EFCAB6: variants seen among roughly 807,000 people sequenced by gnomAD.
EFCAB6 encodes EF-hand calcium-binding domain-containing protein 6.
EFCAB6 carries 156 observed loss-of-function variants against 169.8 expected under a neutral mutation model. The ratio of observed to expected loss-of-function variants is 0.92; its 90% CI spans 0.81 to 1.05. The LOEUF (loss-of-function observed/expected upper bound fraction) is 1.05, where lower values mean the gene tolerates loss of function less well. Ranked by LOEUF, EFCAB6 falls within the 50% of genes least tolerant of loss-of-function variation. The pLI is 0.00. For missense variants in EFCAB6, 1,800 were observed against 1,829.1 expected, an observed-to-expected ratio of 0.98 and a Z score of 0.29; for synonymous variants, 698 against 676.4, an observed-to-expected ratio of 1.03 and a Z score of -0.50.
At chr22:43,734,867 T>A (rs1452264095) in intron 7 of EFCAB6, among the ~76,000 whole-genome samples, 1 of 152,214 alleles carries the variant, frequency 6.6e-6, no homozygotes, top group East Asian at 1.9e-4. Flanking sequence ...GGCAAATTCT[T>A]CCACTCTGCT....
chr22:43,750,193 T>A (rs1458894519), intron 6 of EFCAB6, among the ~76,000 whole-genome samples: 1 of 152,134 alleles, frequency 6.6e-6, no homozygotes, highest in Non-Finnish European at 1.5e-5. Context: ...AGTTCCTTCA[T>A]GAAAGCTTTA....
chr22:43,770,410 A>G (rs546937819), intron 4 of EFCAB6, among the ~76,000 whole-genome samples: 2 of 152,352 alleles, frequency 1.3e-5, no homozygotes, highest in African/African-American at 4.8e-5. Flanking sequence ...CCATCAATGC[A>G]GGTCAACCTT....
Position 43,682,147 on chromosome 22 carries a change from G to T in EFCAB6, c.1251+1600C>A, listed in dbSNP as rs549525991. On this transcript the variant is annotated intron_variant, in intron 12 of 31. Transcript: ENST00000262726. ...TCCCCTCCGTAGTGGGGTGCATGGT[G>T]GGGGGATGGGAGGGGAGGGGAATCT... Among the ~76,000 whole-genome samples, 5 of 152,234 alleles carry T rather than the reference G, an allele frequency of 3.3e-5. No homozygotes were observed. In the East Asian group the frequency reaches 9.7e-4, roughly 29 times the overall value.
chr22:43,585,097 G>T (rs746217968), intron 24 of EFCAB6, among the ~76,000 whole-genome samples: 16 of 152,150 alleles, frequency 1.1e-4, no homozygotes, highest in Non-Finnish European at 1.8e-4. Context: ...AAAAGACACA[G>T]TATGAAGAAA....
chr22:43,789,847 TCA>T lies in EFCAB6; in HGVS notation c.-7-7524_-7-7523del, dbSNP rs34752280. Reference sequence around the variant, plus strand: ...CTGAGGCTCCTAAGTTGGCTAACCTTCACACACACACACACACACACACACAC... The same window carrying T: ...CTGAGGCTCCTAAGTTGGCTAACCTTCACACACACACACACACACACACAC... On this transcript the variant is annotated intron_variant, in intron 2 of 31. Transcript: ENST00000262726. Among the ~76,000 whole-genome samples the T allele has an allele frequency of 5.3e-3, 759 of 143,300 alleles. 5 individuals carry two copies. The highest frequency in any genetic ancestry group is 0.022 in the East Asian group (108 of 4,858). The allele number at this position is 143,300 out of a possible 152,430, so 94.0% of individuals were successfully genotyped here.
intron 6 of EFCAB6, among the ~76,000 whole-genome samples, chr22:43,737,352 A>G (rs1010451166): frequency 6.7e-6 from 1 of 150,354 alleles, no homozygotes; most frequent in African/African-American, 2.5e-5. Flanking sequence ...ACACCTGTGC[A>G]TGTACTCATA....
rs2059154950 is a variant in EFCAB6, at chr22:43,711,418, T to C, written c.1031+57A>G. The C allele has an allele frequency of 8.8e-6, 13 of 1,484,588 alleles. No individual in the cohort carries two copies. In the South Asian group the frequency reaches 1.7e-4, roughly 19 times the overall value. 92.0% of individuals were successfully genotyped at this position (1,484,588 alleles called of 1,614,324 possible). On this transcript the variant is annotated intron_variant, in intron 10 of 31. Coordinates refer to ENST00000262726, the MANE Select transcript of EFCAB6 (RefSeq NM_022785.4). Reference sequence around the variant, plus strand: ...ATAAAAAATAAACGAAGCTGTGCCTTATTCTTACGGTTGACGTTTGGGGAA... The same window carrying C: ...ATAAAAAATAAACGAAGCTGTGCCTCATTCTTACGGTTGACGTTTGGGGAA...
chr22:43,574,554 C>T (rs1042013114), intron 26 of EFCAB6, among the ~76,000 whole-genome samples: 1 of 151,960 alleles, frequency 6.6e-6, no homozygotes, highest in Non-Finnish European at 1.5e-5. Flanking sequence ...TCCCCATCAT[C>T]GTGGGGTCTA....
intron 2 of EFCAB6, among the ~76,000 whole-genome samples, chr22:43,784,602 C>T (rs1424408724): frequency 1.1e-5 from 1 of 87,456 alleles, no homozygotes; most frequent in African/African-American, 4.4e-5. Context: ...TATATATACA[C>T]ATATATATGT....
intron 17 of EFCAB6, among the ~76,000 whole-genome samples, chr22:43,639,998 T>A (rs1278041588): frequency 6.6e-6 from 1 of 152,186 alleles, no homozygotes; most frequent in Non-Finnish European, 1.5e-5. Flanking sequence ...GTTCTTCTTA[T>A]AATTTCTATT....
At chr22:43,630,227 C>T (rs2054835872) in intron 19 of EFCAB6, among the ~76,000 whole-genome samples, 1 of 152,204 alleles carries the variant, frequency 6.6e-6, no homozygotes, top group Admixed American at 6.5e-5. Flanking sequence ...AGGACACAAG[C>T]CAAGTCCTCA....
At chr22:43,791,371 C>CAAA (rs34928477) in intron 2 of EFCAB6, among the ~76,000 whole-genome samples, 1 of 115,012 alleles carries the variant, frequency 8.7e-6, no homozygotes. Flanking sequence ...GAGACTGCCT[C>CAAA]AAAAAAAAAA....
At position 43,686,292 on chromosome 22, in the gene EFCAB6, AT is replaced by A. The variant is rs1002218530; in HGVS notation, c.1142+1178del. 2.5e-4 allele frequency among the ~76,000 whole-genome samples: 37 copies of A among 149,594 alleles called. No homozygotes were observed. In the East Asian group the frequency reaches 2.7e-3, roughly 11 times the overall value. ...ACCGTGCCAGCCTAAATAATTTTTA[AT>A]TTTTTTTTTCAGAATTATATTTTCA... is the stretch of plus-strand genomic sequence containing the variant. On this transcript the variant is annotated intron_variant, in intron 11 of 31. Coordinates refer to ENST00000262726, the MANE Select transcript of EFCAB6 (RefSeq NM_022785.4).
chr22:43,627,912 C>T lies in EFCAB6; in HGVS notation c.2233-1233G>A, dbSNP rs565145180. Among the ~76,000 whole-genome samples the T allele has an allele frequency of 3.9e-5, 6 of 152,340 alleles. No individual in the cohort carries two copies. In the South Asian group the frequency reaches 8.3e-4, roughly 21 times the overall value. ...TTATTCAGTACCTAATATGTGCAAT[C>T]GCCATGCTAAATACTGTGGAAATGA... On this transcript the variant is annotated intron_variant, in intron 19 of 31. Coordinates refer to ENST00000262726, the MANE Select transcript of EFCAB6 (RefSeq NM_022785.4).
chr22:43,730,273 A>AGGGAGGGAAGGAGGGGAGGGAG (rs2059899902), intron 8 of EFCAB6, among the ~76,000 whole-genome samples: 1 of 70,012 alleles, frequency 1.4e-5, no homozygotes, highest in Non-Finnish European at 3.0e-5. Flanking sequence ...GGAGCGAGGG[A>AGGGAGGGAAGGAGGGGAGGGAG]GGGAGGGATG....
intron 20 of EFCAB6, among the ~76,000 whole-genome samples, chr22:43,623,604 G>A (rs2054257205): frequency 6.6e-6 from 1 of 151,910 alleles, no homozygotes; most frequent in Admixed American, 6.6e-5. Context: ...TTTAGAAAGG[G>A]GTGGTATCCG....
Position 43,678,714 on chromosome 22 carries a change from G to A in EFCAB6, c.1252-551C>T, listed in dbSNP as rs558197830. ...GAAAACATATTATGAGCAAAATACC[G>A]TGAGAAAAAATTTCTTCCCCCAGAA... On this transcript the variant is annotated intron_variant, in intron 12 of 31. Transcript: ENST00000262726. Among the ~76,000 whole-genome samples the A allele has an allele frequency of 1.1e-4, 17 of 152,172 alleles. No individual in the cohort carries two copies. In the South Asian group the frequency reaches 2.3e-3, roughly 20 times the overall value.
intron 5 of EFCAB6, among the ~76,000 whole-genome samples, chr22:43,763,283 C>T (rs1271334807): frequency 1.3e-5 from 2 of 152,158 alleles, no homozygotes; most frequent in Non-Finnish European, 2.9e-5. Context: ...AGGTGATCTG[C>T]CCACTTCGGC....
chr22:43,604,500 A>G (rs1296764790), intron 22 of EFCAB6, among the ~76,000 whole-genome samples: 1 of 152,090 alleles, frequency 6.6e-6, no homozygotes, highest in Admixed American at 6.5e-5. Flanking sequence ...TCTAAAAGTC[A>G]CCCTCTGACA....
Sources: allele counts gnomAD v4.1 joint callset (sites outside exome capture counted in the v4.1 genomes callset), GRCh38; gene constraint gnomAD v4.1.1; transcripts MANE v1.5; gene names NCBI Gene and HGNC (gene_info 2026-07-23, HGNC 2026-07-21).